Variants in DENND1A observed in about 807,000 individuals in gnomAD.
DENND1A encodes the protein DENN domain-containing protein 1A.
In DENND1A, 51 loss-of-function variants were observed where a neutral mutation model predicts 113.7. The observed-to-expected ratio is 0.45, with a 90% CI of 0.36 to 0.57. The LOEUF (loss-of-function observed/expected upper bound fraction) is 0.57, where lower values mean the gene tolerates loss of function less well. DENND1A is among the 20% of genes least tolerant of loss of function. DENND1A has a pLI of 0.00. For missense variants in DENND1A, 1,258 were observed against 1,395.9 expected, an observed-to-expected ratio of 0.90 and a Z score of 1.57; for synonymous variants, 565 against 570.8, an observed-to-expected ratio of 0.99 and a Z score of 0.14.
chr9:123,556,973 G>T (rs1194413163), intron 13 of DENND1A, among the ~76,000 whole-genome samples: 1 of 152,204 alleles, frequency 6.6e-6, no homozygotes, highest in African/African-American at 2.4e-5. Flanking sequence ...ACGAGGCCCA[G>T]AAAGGGGGAA....
intron 21 of DENND1A, among the ~76,000 whole-genome samples, chr9:123,396,906 A>G (rs1272479107): frequency 6.6e-6 from 1 of 152,190 alleles, no homozygotes; most frequent in Non-Finnish European, 1.5e-5. Context: ...ATACAGCAAT[A>G]TGGAGCAGAA....
At chr9:123,726,196 C>T (rs2067694890) in intron 5 of DENND1A, among the ~76,000 whole-genome samples, 1 of 152,196 alleles carries the variant, frequency 6.6e-6, no homozygotes, top group Non-Finnish European at 1.5e-5. Context: ...GCCTAGTCTG[C>T]AACAAGTGTT....
intron 1 of DENND1A, among the ~76,000 whole-genome samples, chr9:123,911,526 T>C (rs189595234): frequency 6.6e-6 from 1 of 152,262 alleles, no homozygotes; most frequent in Non-Finnish European, 1.5e-5. Context: ...TACGCAGCAA[T>C]GAAAAACAAT....
chr9:123,745,324 G>A (rs2069398516), intron 5 of DENND1A, among the ~76,000 whole-genome samples: 1 of 152,182 alleles, frequency 6.6e-6, no homozygotes, highest in Non-Finnish European at 1.5e-5. Context: ...TGCAAACGAT[G>A]AGACCAGATT....
intron 19 of DENND1A, among the ~76,000 whole-genome samples, chr9:123,423,341 C>T (rs1035917573): frequency 6.6e-6 from 1 of 152,246 alleles, no homozygotes; most frequent in Non-Finnish European, 1.5e-5. Context: ...CCAGCCAGCC[C>T]TCTTCCTGTA....
chr9:123,643,726 C>T (rs1197508205), intron 9 of DENND1A, among the ~76,000 whole-genome samples: 3 of 152,112 alleles, frequency 2.0e-5, no homozygotes, highest in Non-Finnish European at 2.9e-5. Context: ...CATGGGCAGA[C>T]GGAATGGAAT....
intron 8 of DENND1A, among the ~76,000 whole-genome samples, chr9:123,664,376 TAA>T (rs1158183605): frequency 2.6e-5 from 4 of 152,126 alleles, no homozygotes; most frequent in Non-Finnish European, 4.4e-5. Context: ...ATTTATTGAA[TAA>T]GTTTAAAATT....
intron 2 of DENND1A, among the ~76,000 whole-genome samples, chr9:123,836,740 T>C (rs1001316820): frequency 6.6e-6 from 1 of 152,130 alleles, no homozygotes; most frequent in Non-Finnish European, 1.5e-5. Context: ...TATACATTTT[T>C]ATAAATAATT....
At chr9:123,420,537 G>A (rs769846351) in intron 19 of DENND1A, among the ~76,000 whole-genome samples, 9 of 152,110 alleles carry the variant, frequency 5.9e-5, no homozygotes, top group East Asian at 1.9e-4. Flanking sequence ...TCAGGGGCTC[G>A]CCAGTCCTGT....
At chr9:123,732,931 G>A (rs1287738135) in intron 5 of DENND1A, among the ~76,000 whole-genome samples, 1 of 152,174 alleles carries the variant, frequency 6.6e-6, no homozygotes, top group Non-Finnish European at 1.5e-5. Context: ...GAGAGCGCAT[G>A]GACAGCACTA....
intron 13 of DENND1A, among the ~76,000 whole-genome samples, chr9:123,539,330 C>T (rs1000895717): frequency 6.6e-6 from 1 of 152,102 alleles, no homozygotes; most frequent in African/African-American, 2.4e-5. Context: ...TGAGTTCATA[C>T]ACAAATAAAT....
At chr9:123,651,347 C>T (rs775324920) in intron 9 of DENND1A, among the ~76,000 whole-genome samples, 70 of 152,212 alleles carry the variant, frequency 4.6e-4, no homozygotes, top group Non-Finnish European at 8.8e-4. Context: ...TACCATAGCA[C>T]ATCTACTTTC....
intron 22 of DENND1A, 92 bp downstream of exon 22, chr9:123,387,638 A>C: frequency 7.1e-5 from 67 of 945,082 alleles, no homozygotes; most frequent in Non-Finnish European, 8.8e-5. Context: ...CCCCCGACAC[A>C]AAGGCAAGCA....
chr9:123,830,118 T>C (rs571087248), intron 2 of DENND1A, among the ~76,000 whole-genome samples: 1 of 152,292 alleles, frequency 6.6e-6, no homozygotes, highest in South Asian at 2.1e-4. Context: ...AAGCAAATTA[T>C]AATATTTATA....
intron 4 of DENND1A, among the ~76,000 whole-genome samples, chr9:123,758,519 C>A (rs1411367823): frequency 3.9e-5 from 6 of 152,152 alleles, no homozygotes; most frequent in African/African-American, 1.2e-4. Context: ...GGAAAGAAAA[C>A]AGGGCAAGCT....
chr9:123,817,863 C>T (rs959493126), intron 2 of DENND1A, among the ~76,000 whole-genome samples: 1 of 151,706 alleles, frequency 6.6e-6, no homozygotes, highest in African/African-American at 2.4e-5. Context: ...CTCCTCTATA[C>T]TAAAAATACA....
chr9:123,425,041 C>T (rs903612420), intron 19 of DENND1A, among the ~76,000 whole-genome samples: 1 of 152,172 alleles, frequency 6.6e-6, no homozygotes, highest in African/African-American at 2.4e-5. Flanking sequence ...TCTGGCACAG[C>T]ACTCCTGTGA....
intron 19 of DENND1A, chr9:123,413,551 C>T: frequency 2.0e-6 from 2 of 985,500 alleles, no homozygotes; most frequent in African/African-American, 3.5e-5. Context: ...GTCCCTGGTG[C>T]TCTGCATGGA....
intron 13 of DENND1A, among the ~76,000 whole-genome samples, chr9:123,525,621 T>C (rs1043850907): frequency 6.6e-6 from 1 of 151,858 alleles, no homozygotes; most frequent in African/African-American, 2.4e-5. Flanking sequence ...AAGGGGAAAA[T>C]AAGAACACAC....
Sources: gnomAD v4.1 joint callset for allele counts (sites outside exome capture counted in the v4.1 genomes callset) on GRCh38, gnomAD v4.1.1 for gene constraint, MANE v1.5 for transcripts, NCBI Gene and HGNC (gene_info 2026-07-23, HGNC 2026-07-21) for gene names.